Variants in GAREM1 observed in about 807,000 individuals in gnomAD.
The protein encoded by GAREM1 is GRB2 associated regulator of MAPK1 subtype 1, also known as GRB2-associated and regulator of MAPK protein 1.
In GAREM1, 26 loss-of-function variants were observed where a neutral mutation model predicts 71.3. The observed-to-expected ratio is 0.36, with a 90% confidence interval of 0.27 to 0.51. The LOEUF is 0.51. GAREM1 is among the 20% of genes least tolerant of loss of function. GAREM1 has a pLI of 0.95. For missense variants in GAREM1, 1,026 were observed against 1,103.1 expected, an observed-to-expected ratio of 0.93 and a Z score of 0.99; for synonymous variants, 440 against 433.2, an observed-to-expected ratio of 1.02 and a Z score of -0.20.
chr18:32,355,744 C>T (rs964095722), intron 2 of GAREM1, among the ~76,000 whole-genome samples: 13 of 152,020 alleles, frequency 8.6e-5, no homozygotes, highest in African/African-American at 3.1e-4. Flanking sequence ...GAAAAACATT[C>T]TATAAAAGAA....
At chr18:32,377,541 C>T (rs1031430326) in intron 2 of GAREM1, among the ~76,000 whole-genome samples, 1 of 152,142 alleles carries the variant, frequency 6.6e-6, no homozygotes, top group Non-Finnish European at 1.5e-5. Flanking sequence ...GGGAAACTCA[C>T]CAGAACCAGG....
intron 1 of GAREM1, among the ~76,000 whole-genome samples, chr18:32,464,335 C>T (rs2048979679): frequency 6.6e-6 from 1 of 151,974 alleles, no homozygotes; most frequent in African/African-American, 2.4e-5. Context: ...TTTGGTAAAA[C>T]TCACCTGTGA....
At chr18:32,454,097 G>C (rs2048866617) in intron 1 of GAREM1, among the ~76,000 whole-genome samples, 1 of 152,006 alleles carries the variant, frequency 6.6e-6, no homozygotes, top group South Asian at 2.1e-4. Flanking sequence ...AAATGAGTAA[G>C]CTAACACTTT....
At chr18:32,455,660 T>C (rs986127098) in intron 1 of GAREM1, among the ~76,000 whole-genome samples, 3 of 152,164 alleles carry the variant, frequency 2.0e-5, no homozygotes, top group African/African-American at 7.2e-5. Flanking sequence ...CCAGGGTACA[T>C]GGGCTTCAAA....
At chr18:32,387,781 C>T (rs937773219) in intron 2 of GAREM1, among the ~76,000 whole-genome samples, 1 of 152,128 alleles carries the variant, frequency 6.6e-6, no homozygotes, top group African/African-American at 2.4e-5. Context: ...ATAAGAACCA[C>T]AGAAGTCATA....
intron 2 of GAREM1, among the ~76,000 whole-genome samples, chr18:32,357,065 T>A (rs554162522): frequency 6.6e-6 from 1 of 152,346 alleles, no homozygotes; most frequent in Admixed American, 6.5e-5. Flanking sequence ...CTCTCTGGAT[T>A]CCTTTCGTAC....
At chr18:32,362,193 C>CCTGTTCACTCATCTTTCT (rs1237430425) in intron 2 of GAREM1, among the ~76,000 whole-genome samples, 4 of 152,186 alleles carry the variant, frequency 2.6e-5, no homozygotes, top group African/African-American at 9.7e-5. Flanking sequence ...AGGGGAGACT[C>CCTGTTCACTCATCTTTCT]CTGTTCACTC....
At chr18:32,317,394 A>C (rs1361537936) in intron 2 of GAREM1, among the ~76,000 whole-genome samples, 2 of 90,652 alleles carry the variant, frequency 2.2e-5, no homozygotes, top group Non-Finnish European at 4.6e-5. Flanking sequence ...GCTCTGTCAC[A>C]AAAAAAAAAA....
chr18:32,394,840 C>T (rs1297236081), intron 1 of GAREM1, among the ~76,000 whole-genome samples: 1 of 152,182 alleles, frequency 6.6e-6, no homozygotes, highest in Non-Finnish European at 1.5e-5. Context: ...CGCTACCCAC[C>T]ATGGTGTGGT....
At chr18:32,440,564 C>A in intron 1 of GAREM1, among the ~76,000 whole-genome samples, 1 of 152,242 alleles carries the variant, frequency 6.6e-6, no homozygotes, top group African/African-American at 2.4e-5. Flanking sequence ...TTTAAGAGTA[C>A]AATACTAAGT....
chr18:32,323,331 C>T (rs1440060470), intron 2 of GAREM1, among the ~76,000 whole-genome samples: 1 of 152,166 alleles, frequency 6.6e-6, no homozygotes, highest in Non-Finnish European at 1.5e-5. Context: ...GTCTAGGGTC[C>T]AGGAACTCTT....
At chr18:32,313,733 G>A (rs1012882654) in intron 2 of GAREM1, among the ~76,000 whole-genome samples, 1 of 152,144 alleles carries the variant, frequency 6.6e-6, no homozygotes, top group Admixed American at 6.5e-5. Flanking sequence ...AGGGAATTGC[G>A]AAGTGGAATG....
At chr18:32,302,006 T>C (rs2047206516) in intron 3 of GAREM1, among the ~76,000 whole-genome samples, 1 of 152,226 alleles carries the variant, frequency 6.6e-6, no homozygotes, top group South Asian at 2.1e-4. Context: ...TTGTACCATA[T>C]GCCATAATGA....
intron 1 of GAREM1, chr18:32,413,257 A>G (rs2048437843): frequency 6.5e-7 from 1 of 1,545,636 alleles, no homozygotes; most frequent in Non-Finnish European, 8.9e-7. Context: ...TATTTCAACT[A>G]CATATTTGAC....
chr18:32,319,814 T>C (rs1239705442), intron 2 of GAREM1, among the ~76,000 whole-genome samples: 1 of 152,252 alleles, frequency 6.6e-6, no homozygotes, highest in East Asian at 1.9e-4. Flanking sequence ...TCTGTACAGT[T>C]ATTCCATCAC....
intron 2 of GAREM1, among the ~76,000 whole-genome samples, chr18:32,346,698 G>C (rs1192806641): frequency 6.6e-6 from 1 of 152,212 alleles, no homozygotes; most frequent in Non-Finnish European, 1.5e-5. Context: ...AGTTGTGTCA[G>C]ACATTGAAAG....
intron 2 of GAREM1, among the ~76,000 whole-genome samples, chr18:32,342,879 T>C (rs2047660577): frequency 1.3e-5 from 2 of 152,216 alleles, no homozygotes; most frequent in Admixed American, 1.3e-4. Flanking sequence ...AGCCACAGTT[T>C]CCTTTGCCCC....
At chr18:32,368,240 G>A (rs1245516330) in intron 2 of GAREM1, among the ~76,000 whole-genome samples, 1 of 152,108 alleles carries the variant, frequency 6.6e-6, no homozygotes, top group East Asian at 1.9e-4. Context: ...TCTAAGCTTA[G>A]GTCTCTCTGT....
At chr18:32,371,319 T>G (rs924063510) in intron 2 of GAREM1, among the ~76,000 whole-genome samples, 1 of 152,188 alleles carries the variant, frequency 6.6e-6, no homozygotes, top group East Asian at 1.9e-4. Flanking sequence ...GGTGGATAGA[T>G]TTTAAATACT....
Sources: allele counts gnomAD v4.1 joint callset (sites outside exome capture counted in the v4.1 genomes callset), GRCh38; gene constraint gnomAD v4.1.1; transcripts MANE v1.5; gene names NCBI Gene and HGNC (gene_info 2026-07-23, HGNC 2026-07-21).